The following IQGAP2 variants were observed in gnomAD, a reference collection of about 807,000 sequenced individuals.
IQGAP2 encodes the protein ras GTPase-activating-like protein IQGAP2.
A neutral mutation model predicts 201.3 loss-of-function variants in IQGAP2; 173 were observed. The observed-to-expected ratio is 0.86, with a 90% confidence interval of 0.76 to 0.98. The LOEUF is 0.98. IQGAP2 is among the 50% of genes least tolerant of loss of function. The pLI is 0.00. For synonymous variants in IQGAP2, 675 were observed against 673.9 expected, an observed-to-expected ratio of 1.00 and a Z score of -0.03; for missense variants, 1,687 against 1,864.8, an observed-to-expected ratio of 0.90 and a Z score of 1.76.
chr5:76,623,791 AGAAATTCAAATTGAGCGGT>A (rs1414211711), intron 13 of IQGAP2, among the ~76,000 whole-genome samples: 3 of 152,256 alleles, frequency 2.0e-5, no homozygotes, highest in Non-Finnish European at 4.4e-5. Context: ...CAAACTTTTA[AGAAATTCAAATTGAGCGGT>A]GAATCACTTT....
At chr5:76,701,013 G>A (rs1747332388) in intron 33 of IQGAP2, 63 bp from the exon 34 acceptor site, 3 of 1,545,158 alleles carry the variant, frequency 1.9e-6, no homozygotes, top group African/African-American at 1.4e-5. Context: ...TATGGTAATC[G>A]CACTACCAGA....
intron 2 of IQGAP2, among the ~76,000 whole-genome samples, chr5:76,502,041 A>T (rs904224900): frequency 6.6e-6 from 1 of 152,182 alleles, no homozygotes; most frequent in Non-Finnish European, 1.5e-5. Flanking sequence ...GCCCATGAAG[A>T]CGTGGCCCTG....
intron 2 of IQGAP2, among the ~76,000 whole-genome samples, chr5:76,515,442 TAA>T (rs1466404163): frequency 6.6e-6 from 1 of 152,204 alleles, no homozygotes. Context: ...ATATATCCAT[TAA>T]GTCTTTTTCT....
At chr5:76,706,421 C>T (rs1014373466) in intron 35 of IQGAP2, among the ~76,000 whole-genome samples, 1 of 152,046 alleles carries the variant, frequency 6.6e-6, no homozygotes. Flanking sequence ...AATCTCGGCT[C>T]GCTGCAATCT....
At position 76,702,519 on chromosome 5, in the gene IQGAP2, G is replaced by T. The variant is rs1747494193; in HGVS notation, c.4543G>T (p.Asp1515Tyr). 1 of 1,592,660 alleles carries T rather than the reference G, an allele frequency of 6.3e-7. No individual in the cohort carries two copies. The highest frequency in any genetic ancestry group is 8.6e-7 in the Non-Finnish European group (1 of 1,160,492). Residue 1515 changes from aspartate to tyrosine, a missense_variant, in exon 35 of 36, where the codon GAT (aspartate) becomes TAT (tyrosine). Physicochemically the swap from Asp to Tyr is radical, Grantham distance 160. Transcript: ENST00000274364. ...NVTFDIIATE[D>Y]VGIFDVRSKF... ...TACATTTGATATCATAGCTACTGAA[G>T]ATGTAGGCATTTTCGATGTAAGATC...
intron 3 of IQGAP2, among the ~76,000 whole-genome samples, chr5:76,568,820 T>C (rs966481507): frequency 3.3e-5 from 5 of 152,110 alleles, no homozygotes; most frequent in African/African-American, 1.2e-4. Flanking sequence ...GGGACTTAGA[T>C]TGTCATCAGT....
intron 25 of IQGAP2, 154 bp from the exon 26 acceptor site, chr5:76,673,798 T>C (rs1744567149): frequency 1.5e-6 from 1 of 674,572 alleles, no homozygotes; most frequent in East Asian, 2.7e-5. Context: ...GTTATTATCA[T>C]CAGTGGAAGT....
At position 76,698,033 on chromosome 5, in the gene IQGAP2, T is replaced by A; in HGVS notation, c.4253T>A (p.Leu1418Ter). 1 of 1,613,454 alleles carries A rather than the reference T, an allele frequency of 6.2e-7. No individual in the cohort carries two copies. Among genetic ancestry groups the A allele is most frequent in the Non-Finnish European group, 8.5e-7 (1 of 1,179,662 alleles). The change falls in exon 33 of 36, where the codon TTG (leucine) becomes TAG (stop). Residue 1418 changes from leucine (L) to a stop codon, truncating the protein, a stop_gained. Coordinates refer to ENST00000274364, the MANE Select transcript of IQGAP2 (RefSeq NM_006633.5). LOFTEE classifies it high-confidence loss of function. Reference protein sequence around the residue: ...RIYRKLRKAELAKLQQTLNAL... With the variant: ...RIYRKLRKAE ...TATCGTAAGCTTCGAAAAGCTGAAT[T>A]GGCAAAACTTCAGCAGACCCTGAAT...
chr5:76,492,316 G>A (rs1161795422), intron 2 of IQGAP2, among the ~76,000 whole-genome samples: 1 of 152,140 alleles, frequency 6.6e-6, no homozygotes. Context: ...GGTGCCGGAC[G>A]GCTCAGGCCT....
intron 1 of IQGAP2, among the ~76,000 whole-genome samples, chr5:76,408,179 T>C (rs1038106125): frequency 7.9e-5 from 12 of 152,042 alleles, no homozygotes; most frequent in African/African-American, 2.7e-4. Flanking sequence ...CAAAACCTAG[T>C]ATACAAACAG....
At chr5:76,647,136 G>A (rs1480385343) in intron 17 of IQGAP2, among the ~76,000 whole-genome samples, 2 of 152,090 alleles carry the variant, frequency 1.3e-5, no homozygotes, top group South Asian at 2.1e-4. Context: ...CTGGGGAAAT[G>A]GAATGCATGT....
At chr5:76,583,788 T>C (rs79194170) in intron 5 of IQGAP2, among the ~76,000 whole-genome samples, 3,352 of 152,352 alleles carry the variant, frequency 0.022, 125 homozygotes, top group African/African-American at 0.076. Flanking sequence ...AACAGTTTAG[T>C]ATAAACATTT....
intron 2 of IQGAP2, among the ~76,000 whole-genome samples, chr5:76,545,055 T>G (rs1158143857): frequency 1.3e-5 from 2 of 152,118 alleles, no homozygotes; most frequent in African/African-American, 4.8e-5. Flanking sequence ...TCTATATAGT[T>G]ATCTCTACAT....
At chr5:76,483,355 T>C (rs1755905401) in intron 2 of IQGAP2, among the ~76,000 whole-genome samples, 1 of 152,194 alleles carries the variant, frequency 6.6e-6, no homozygotes. Context: ...TAGAAGTATA[T>C]GCATGTGGTT....
chr5:76,622,900 T>C (rs1170824369), intron 13 of IQGAP2, among the ~76,000 whole-genome samples: 2 of 152,186 alleles, frequency 1.3e-5, no homozygotes, highest in African/African-American at 4.8e-5. Context: ...TCAAAATTGC[T>C]CCCTGACTTA....
In IQGAP2 at chr5:76,403,471, G is replaced by T; in HGVS notation, c.-75G>T. 8.5e-7 allele frequency: 1 copy of T among 1,178,750 alleles called. No homozygotes were observed. The highest frequency in any genetic ancestry group is 2.2e-5 in the South Asian group (1 of 45,160). The allele number at this position is 1,178,750 out of a possible 1,614,324, so 73.0% of individuals were successfully genotyped here. A position where few individuals can be genotyped will look rare whatever the true frequency, so the allele number is the denominator to read the frequency against. ...CGGGATCCGAGCGCGCCGGCGGGGC[G>T]CAGAGCCCGCGAGCCTGGCCAGCGA... is the stretch of plus-strand genomic sequence containing the variant. On this transcript the variant is annotated 5_prime_UTR_variant, in exon 1 of 36. Coordinates refer to ENST00000274364, the MANE Select transcript of IQGAP2 (RefSeq NM_006633.5). The surrounding 1 kb of genome is among the most constrained non-coding windows in gnomAD (Gnocchi z 4.8).
At chr5:76,504,805 C>T (rs1757510501) in intron 2 of IQGAP2, among the ~76,000 whole-genome samples, 1 of 152,132 alleles carries the variant, frequency 6.6e-6, no homozygotes, top group Non-Finnish European at 1.5e-5. Flanking sequence ...TCTTGCTTTC[C>T]CTCTGTATTC....
chr5:76,618,372 T>TTGGCCGGGACACC, intron 13 of IQGAP2: 2 of 1,614,206 alleles, frequency 1.2e-6, no homozygotes, highest in Non-Finnish European at 1.7e-6. Flanking sequence ...GGTCACAGCA[T>TTGGCCGGGACACC]TGGCCGGGAC....
At position 76,448,528 on chromosome 5, in the gene IQGAP2, T is replaced by C. The variant is rs568226198; in HGVS notation, c.47-13042T>C. 1.1e-4 allele frequency among the ~76,000 whole-genome samples: 16 copies of C among 152,264 alleles called. No homozygotes were observed. In the South Asian group the frequency reaches 2.9e-3, roughly 28 times the overall value. On this transcript the variant is annotated intron_variant, in intron 1 of 35. Coordinates refer to ENST00000274364, the MANE Select transcript of IQGAP2 (RefSeq NM_006633.5). ...GGAGTAGCTGAAGATCTGGAGTACC[T>C]GAAGACTACTCCAGAGGACTTTACC...
Sources: gnomAD v4.1 joint callset for allele counts (sites outside exome capture counted in the v4.1 genomes callset) on GRCh38, gnomAD v4.1.1 for gene constraint, Gnocchi (gnomAD v3.1) non-coding constraint, MANE v1.5 for transcripts, NCBI Gene and HGNC (gene_info 2026-07-23, HGNC 2026-07-21) for gene names.